VWA3A: variants seen among roughly 807,000 people sequenced by gnomAD.
VWA3A encodes von Willebrand factor A domain-containing protein 3A.
Under a neutral mutation model 160.4 loss-of-function variants are expected in VWA3A, and 134 were observed. That is an observed-to-expected ratio of 0.84 (90% CI 0.73 to 0.96). The LOEUF is 0.96. Ranked by LOEUF, VWA3A falls within the 40% of genes least tolerant of loss-of-function variation. VWA3A has a pLI of 0.00. For synonymous variants in VWA3A, 476 were observed against 543.4 expected (o/e 0.88, Z 1.72); for missense variants, 1,310 against 1,447.9 (o/e 0.90, Z 1.55).
chr16:22,141,467 G>A (rs1165536070), intron 23 of VWA3A, 115 bp from the exon 24 acceptor site: 7 of 948,370 alleles, frequency 7.4e-6, no homozygotes. Context: ...CCATCTTGGA[G>A]CCCCATTTCC....
rs541643026 is a variant in VWA3A at position 22,139,463 on chromosome 16, A to G, written c.2293-691A>G. 4.6e-5 allele frequency among the ~76,000 whole-genome samples: 7 copies of G among 152,308 alleles called. No individual in the cohort carries two copies. The South Asian group carries it at 1.5e-3, about 32-fold the overall frequency. On this transcript the variant is annotated intron_variant, in intron 22 of 33. Transcript: ENST00000389398. The stretch of plus-strand genomic sequence containing the variant: ...GTAATCCCAGCACTTTGGGAGGCCA[A>G]GGCAGGCGGATCATGAGGTCAAGAG...
intron 20 of VWA3A, among the ~76,000 whole-genome samples, 171 bp from the exon 21 acceptor site, chr16:22,134,197 A>G (rs1203385436): frequency 6.6e-6 from 1 of 151,930 alleles, no homozygotes; most frequent in African/African-American, 2.4e-5. Flanking sequence ...TGAACTCCCA[A>G]CCTCAAGCAA....
At chr16:22,116,294 A>T (rs2045644696) in intron 9 of VWA3A, 1 of 427,072 alleles carries the variant, frequency 2.3e-6, no homozygotes, top group Non-Finnish European at 4.5e-6. Context: ...GAAGGAAAGA[A>T]GGAAGAGAGA....
At chr16:22,101,548 C>A (rs977693414) in intron 5 of VWA3A, among the ~76,000 whole-genome samples, 2 of 152,020 alleles carry the variant, frequency 1.3e-5, no homozygotes, top group African/African-American at 4.8e-5. Flanking sequence ...ACATTCATGG[C>A]AGAAGATGAA....
In VWA3A at chr16:22,097,208, G is replaced by A. The variant is rs568217280; in HGVS notation, c.101+263G>A. 1.1e-3 allele frequency among the ~76,000 whole-genome samples: 171 copies of A among 152,072 alleles called. 1 individual carries two copies. The highest frequency in any genetic ancestry group is 3.7e-3 in the African/African-American group (155 of 41,474). On this transcript the variant is annotated intron_variant, in intron 2 of 33. Coordinates refer to ENST00000389398, the MANE Select transcript of VWA3A (RefSeq NM_173615.5). ...TCTCGATCCCCTGACCTCATGATCCGCCCGTCTCGGCCTCCCAAAGTGCTG... is the reference window on the plus strand; with the variant it reads ...TCTCGATCCCCTGACCTCATGATCCACCCGTCTCGGCCTCCCAAAGTGCTG...
intron 12 of VWA3A, among the ~76,000 whole-genome samples, chr16:22,120,602 CTTTG>C (rs1474440275): frequency 6.6e-6 from 1 of 152,160 alleles, no homozygotes; most frequent in Non-Finnish European, 1.5e-5. Flanking sequence ...CAGTTCTTTA[CTTTG>C]TCAATGTGGC....
intron 17 of VWA3A, among the ~76,000 whole-genome samples, chr16:22,127,571 T>C (rs1420363433): frequency 6.6e-6 from 1 of 152,142 alleles, no homozygotes; most frequent in East Asian, 1.9e-4. Flanking sequence ...AAGTCAACAG[T>C]TAGTATTAGA....
At chr16:22,103,281 A>G (rs1259097272) in intron 5 of VWA3A, among the ~76,000 whole-genome samples, 194 bp from the exon 6 acceptor site, 1 of 151,932 alleles carries the variant, frequency 6.6e-6, no homozygotes, top group Non-Finnish European at 1.5e-5. Flanking sequence ...TGATCCTCCC[A>G]CGTCAGGCTC....
chr16:22,155,169 A>G (rs1266036468), intron 31 of VWA3A, among the ~76,000 whole-genome samples: 1 of 151,982 alleles, frequency 6.6e-6, no homozygotes, highest in Non-Finnish European at 1.5e-5. Context: ...TCAACCAAAT[A>G]AAAAGCATAC....
At chr16:22,131,555 C>A in intron 18 of VWA3A, 30 bp from the exon 19 acceptor site, 2 of 1,606,078 alleles carry the variant, frequency 1.2e-6, no homozygotes, top group South Asian at 1.1e-5. Flanking sequence ...GGGCCAATGA[C>A]CCTCAGCATG....
intron 1 of VWA3A, among the ~76,000 whole-genome samples, chr16:22,095,957 CTAGAATA>C (rs1339474804): frequency 3.9e-5 from 6 of 152,244 alleles, no homozygotes; most frequent in Non-Finnish European, 1.5e-5. Flanking sequence ...GTCTCCCCCT[CTAGAATA>C]TAAGCGCTGG....
At chr16:22,103,385 T>G (rs1363288012) in intron 5 of VWA3A, 90 bp from the exon 6 acceptor site, 11 of 1,217,318 alleles carry the variant, frequency 9.0e-6, no homozygotes, top group Non-Finnish European at 1.3e-5. Flanking sequence ...AAAAAAACAA[T>G]TATTCATACC....
chr16:22,115,498 A>G lies in VWA3A; in HGVS notation c.815+26A>G, dbSNP rs79606483. 44 of 1,583,682 alleles carry G rather than the reference A, an allele frequency of 2.8e-5. No homozygotes were observed. In the East Asian group the frequency reaches 1.0e-3, roughly 36 times the overall value. On this transcript the variant is annotated intron_variant, in intron 9 of 33. Transcript: ENST00000389398. ...GTAGGTCTTCTTTCCTAAGCAGGTG[A>G]CATACTACATGAAAAGGACTGAAAA... is the stretch of plus-strand genomic sequence containing the variant.
In VWA3A at chr16:22,134,398, T is replaced by C. The variant is rs767523739; in HGVS notation, c.2099T>C (p.Ile700Thr). The part of the protein sequence containing the change: ...GIYESDDINS[I>T]MSEMEKALNY... The stretch of plus-strand genomic sequence containing the variant: ...TATGAGAGCGATGACATCAACTCCA[T>C]CATGTCTGAGATGGAAAAGGCTCTC... Residue 700 changes from isoleucine (I) to threonine (T), a missense_variant, in exon 21 of 34, where the codon ATC becomes ACC. Ile to Thr is a moderately conservative substitution (Grantham distance 89, BLOSUM62 -1). Transcript: ENST00000389398. 6.3e-7 allele frequency: 1 copy of C among 1,599,658 alleles called. No homozygotes were observed. Among genetic ancestry groups the C allele is most frequent in the Non-Finnish European group, 8.5e-7 (1 of 1,172,692 alleles).
chr16:22,140,823 G>A (rs2046133687), intron 23 of VWA3A, among the ~76,000 whole-genome samples: 1 of 151,478 alleles, frequency 6.6e-6, no homozygotes, highest in Non-Finnish European at 1.5e-5. Context: ...TGTTGCCCAG[G>A]CTGGTCTACA....
Position 22,133,936 on chromosome 16 carries a change from G to A in VWA3A, c.2069-432G>A, listed in dbSNP as rs1234150884. Reference sequence around the variant, plus strand: ...AAGGGTGGTGTGTTCACAGCACATGGTTGGCAAGATAGTTGTACATGGTAC... The same window carrying A: ...AAGGGTGGTGTGTTCACAGCACATGATTGGCAAGATAGTTGTACATGGTAC... On this transcript the variant is annotated intron_variant, in intron 20 of 33. Coordinates refer to ENST00000389398, the MANE Select transcript of VWA3A (RefSeq NM_173615.5). Among the ~76,000 whole-genome samples, 4 of 152,180 alleles carry A rather than the reference G, an allele frequency of 2.6e-5. No homozygotes were observed. In the East Asian group the frequency reaches 7.7e-4, roughly 29 times the overall value.
Position 22,115,916 on chromosome 16 carries a change from A to AGGAAGGAAGGAAGGAAGGAC in VWA3A, c.815+452_815+453insGGAAGGAAGGACGGAAGGAA, listed in dbSNP as rs2045630015. ...AAGGAAGGAAGGAAGGAAGGAAGGA[A>AGGAAGGAAGGAAGGAAGGAC]GGAAGGAAAGGAAAGGAAAGGAAGG... On this transcript the variant is annotated intron_variant, in intron 9 of 33. Transcript: ENST00000389398. Among the ~76,000 whole-genome samples the AGGAAGGAAGGAAGGAAGGAC allele has an allele frequency of 6.7e-5, 2 of 29,904 alleles. 1 individual carries two copies. Among genetic ancestry groups the AGGAAGGAAGGAAGGAAGGAC allele is most frequent in the Non-Finnish European group, 9.3e-5 (2 of 21,540 alleles). 19.6% of individuals were successfully genotyped at this position (29,904 alleles called of 152,430 possible). A position where few individuals can be genotyped will look rare whatever the true frequency, so the allele number is the denominator to read the frequency against.
In VWA3A at chr16:22,116,752, T is replaced by C; in HGVS notation, c.816-7T>C. The stretch of plus-strand genomic sequence containing the variant: ...GGATTTCCACTTCTCTTCTGCCTTC[T>C]CCACAGCCCAGATCAGCCTTCTGAA... On this transcript the variant is annotated splice_polypyrimidine_tract_variant and splice_region_variant and intron_variant, in intron 9 of 33. Coordinates refer to ENST00000389398, the MANE Select transcript of VWA3A (RefSeq NM_173615.5). 1 of 1,611,506 alleles carries C rather than the reference T, an allele frequency of 6.2e-7. No individual in the cohort carries two copies. The highest frequency in any genetic ancestry group is 8.5e-7 in the Non-Finnish European group (1 of 1,178,880).
intron 20 of VWA3A, 126 bp from the exon 21 acceptor site, chr16:22,134,242 C>A: frequency 1.4e-6 from 1 of 701,760 alleles, no homozygotes; most frequent in Non-Finnish European, 2.3e-6. Context: ...GCTGGGATTA[C>A]AGGAGTAAGC....
Sources: allele counts gnomAD v4.1 joint callset (sites outside exome capture counted in the v4.1 genomes callset), GRCh38; gene constraint gnomAD v4.1.1; transcripts MANE v1.5; gene names NCBI Gene and HGNC (gene_info 2026-07-23, HGNC 2026-07-21).